The following SLC9A3 variants were observed in gnomAD, a reference collection of about 807,000 sequenced individuals.
SLC9A3 encodes solute carrier family 9 member A3, also known as sodium/hydrogen exchanger 3.
A neutral mutation model predicts 86.8 loss-of-function variants in SLC9A3; 37 were observed. The ratio of observed to expected loss-of-function variants is 0.43; its 90% CI spans 0.33 to 0.56. SLC9A3 has a LOEUF of 0.56. Ranked by LOEUF, SLC9A3 falls within the 20% of genes least tolerant of loss-of-function variation. The pLI is 0.06. For missense variants in SLC9A3, 1,011 were observed against 1,171.9 expected, an observed-to-expected ratio of 0.86 and a Z score of 2.00; for synonymous variants, 581 against 528.3, an observed-to-expected ratio of 1.10 and a Z score of -1.37.
chr5:483,277 C>T lies in SLC9A3; in HGVS notation c.1138G>A (p.Val380Met), dbSNP rs752736082. Reference sequence around the variant, plus strand: ...CCCGCCTCACCGATGGCCCGGTACACGGAGATGAAGACCAGCGTCAGGAGC... The same window carrying T: ...CCCGCCTCACCGATGGCCCGGTACATGGAGATGAAGACCAGCGTCAGGAGC... ...FVLLTLVFISVYRAIGVVLQT... is the reference protein window; with the variant it reads ...FVLLTLVFISMYRAIGVVLQT... The change falls in exon 6 of 17, where the codon GTG becomes ATG. Residue 380 changes from valine to methionine, a missense_variant. By Grantham distance (21) the Val-to-Met change is conservative (BLOSUM62 1). Coordinates refer to ENST00000264938, the MANE Select transcript of SLC9A3 (RefSeq NM_004174.4). 15 of 1,548,348 alleles carry T rather than the reference C, an allele frequency of 9.7e-6. No individual in the cohort carries two copies. Among genetic ancestry groups the T allele is most frequent in the East Asian group, 2.4e-5 (1 of 40,932 alleles).
intron 1 of SLC9A3, among the ~76,000 whole-genome samples, chr5:523,011 G>A (rs1008344542): frequency 3.3e-5 from 5 of 152,138 alleles, no homozygotes; most frequent in Non-Finnish European, 7.4e-5. Context: ...GCAGCCCGGC[G>A]GGGAGCTGAA....
rs1321801549 is a variant in SLC9A3, at chr5:476,072, A to T, written c.2088T>A (p.Asn696Lys). Residue 696 changes from asparagine (N) to lysine (K), a missense_variant, in exon 14 of 17, where the codon AAT becomes AAA. Physicochemically the swap from Asn to Lys is moderately conservative, Grantham distance 94 (BLOSUM62 0). Coordinates refer to ENST00000264938, the MANE Select transcript of SLC9A3 (RefSeq NM_004174.4). The part of the protein sequence containing the change: ...AQKRRNSSIP[N>K]GKLPMESPAQ... ...CAGGGCTCTCCATGGGCAGCTTCCC[A>T]TTGGGGATGCTGCTGTTTCTCTGCG... 4.3e-6 allele frequency: 7 copies of T among 1,613,190 alleles called. No individual in the cohort carries two copies. Among genetic ancestry groups the T allele is most frequent in the Non-Finnish European group, 5.9e-6 (7 of 1,179,824 alleles).
intron 1 of SLC9A3, among the ~76,000 whole-genome samples, chr5:499,869 TG>T (rs1289909909): frequency 1.3e-5 from 2 of 152,230 alleles, no homozygotes; most frequent in African/African-American, 4.8e-5. Context: ...TAGGGGCCAC[TG>T]CTCAAGCCAG....
chr5:489,671 C>T (rs1308987003), intron 2 of SLC9A3, among the ~76,000 whole-genome samples: 1 of 152,200 alleles, frequency 6.6e-6, no homozygotes, highest in African/African-American at 2.4e-5. Flanking sequence ...GGGAACCACA[C>T]AAGCCTTCTC....
chr5:483,199 G>A (rs747033745), intron 6 of SLC9A3, 63 bp downstream of exon 6: 95 of 1,277,204 alleles, frequency 7.4e-5, no homozygotes, highest in Non-Finnish European at 9.4e-5. Flanking sequence ...GAAAGCCTGC[G>A]CCTTCCCGGA....
chr5:518,571 C>T (rs533005093), intron 1 of SLC9A3, among the ~76,000 whole-genome samples: 37 of 152,304 alleles, frequency 2.4e-4, no homozygotes, highest in African/African-American at 8.7e-4. Context: ...ACTGAGACTC[C>T]TGGTTGTGGG....
intron 1 of SLC9A3, among the ~76,000 whole-genome samples, chr5:518,855 G>A (rs897703760): frequency 3.3e-5 from 5 of 152,180 alleles, no homozygotes; most frequent in African/African-American, 4.8e-5. Context: ...GGGGGCTGGC[G>A]GCCAAGAGTG....
intron 3 of SLC9A3, among the ~76,000 whole-genome samples, chr5:485,602 C>A (rs1739426134): frequency 6.6e-6 from 1 of 152,272 alleles, no homozygotes; most frequent in African/African-American, 2.4e-5. Flanking sequence ...CTAGCCCCTG[C>A]CGTCTTTGCA....
chr5:504,462 C>T (rs557085045), intron 1 of SLC9A3, among the ~76,000 whole-genome samples: 44 of 152,312 alleles, frequency 2.9e-4, no homozygotes, highest in African/African-American at 8.4e-4. Flanking sequence ...ATTTGGCCCT[C>T]GGGAGAGAAC....
rs931047171 is a variant in SLC9A3, at chr5:473,321, G to C, written c.*58C>G. ...GTTTCTCTGGGACAGCGGCGGCGGC[G>C]GTGGGCGGACCGTGGCGCGGGGACG... On this transcript the variant is annotated 3_prime_UTR_variant, in exon 17 of 17. Coordinates refer to ENST00000264938, the MANE Select transcript of SLC9A3 (RefSeq NM_004174.4). 3.6e-6 allele frequency: 5 copies of C among 1,394,532 alleles called. No individual in the cohort carries two copies. The highest frequency in any genetic ancestry group is 1.5e-5 in the South Asian group (1 of 65,150). The allele number at this position is 1,394,532 out of a possible 1,614,324, so 86.4% of individuals were successfully genotyped here. A position where few individuals can be genotyped will look rare whatever the true frequency, so the allele number is the denominator to read the frequency against.
In SLC9A3 at chr5:472,410, C is replaced by G. The variant is rs1199076873; in HGVS notation, c.*969G>C. On this transcript the variant is annotated 3_prime_UTR_variant, in exon 17 of 17. Transcript: ENST00000264938. ...GGGACAGAGCAGCTGCTGGGCCCCACCATCCACTTAAGGACTGGCCGTGAT... is the reference window on the plus strand; with the variant it reads ...GGGACAGAGCAGCTGCTGGGCCCCAGCATCCACTTAAGGACTGGCCGTGAT... 5 of 334,738 alleles carry G rather than the reference C, an allele frequency of 1.5e-5. No individual in the cohort carries two copies. Among genetic ancestry groups the G allele is most frequent in the Non-Finnish European group, 2.3e-5 (4 of 171,040 alleles). The allele number at this position is 334,738 out of a possible 1,614,324, so 20.7% of individuals were successfully genotyped here. A position where few individuals can be genotyped will look rare whatever the true frequency, so the allele number is the denominator to read the frequency against.
intron 1 of SLC9A3, among the ~76,000 whole-genome samples, chr5:519,040 C>G (rs771114579): frequency 6.6e-6 from 1 of 152,192 alleles, no homozygotes; most frequent in African/African-American, 2.4e-5. Flanking sequence ...GTTTTATAGC[C>G]TACAGCTGAT....
intron 1 of SLC9A3, among the ~76,000 whole-genome samples, chr5:499,066 T>C (rs1409770935): frequency 6.6e-6 from 1 of 152,148 alleles, no homozygotes; most frequent in Non-Finnish European, 1.5e-5. Flanking sequence ...CTCGTTCTCA[T>C]CTTCTCCTGA....
intron 1 of SLC9A3, among the ~76,000 whole-genome samples, chr5:506,228 C>T (rs963180850): frequency 2.0e-5 from 3 of 152,080 alleles, no homozygotes; most frequent in Non-Finnish European, 2.9e-5. Context: ...CAGCCGGAAG[C>T]GGTTGGGAGG....
At chr5:477,744 G>A (rs1738847622) in intron 10 of SLC9A3, 1 of 337,796 alleles carries the variant, frequency 3.0e-6, no homozygotes, top group South Asian at 4.4e-5. Context: ...CCTGGGACTT[G>A]GGATGTGTCT....
In SLC9A3 at chr5:520,559, C is replaced by T. The variant is rs1355644863; in HGVS notation, c.211+3553G>A. On this transcript the variant is annotated intron_variant, in intron 1 of 16. Coordinates refer to ENST00000264938, the MANE Select transcript of SLC9A3 (RefSeq NM_004174.4). ...CCCCACCATCCTCCCGGAATCTCCC[C>T]GGTGCCATTCTCTGCCCCATGGCCA... Among the ~76,000 whole-genome samples the T allele has an allele frequency of 2.6e-5, 4 of 152,302 alleles. No individual in the cohort carries two copies. The East Asian group carries it at 7.7e-4, about 29-fold the overall frequency.
At chr5:498,539 T>C (rs1040975543) in intron 1 of SLC9A3, among the ~76,000 whole-genome samples, 34 of 152,312 alleles carry the variant, frequency 2.2e-4, no homozygotes, top group African/African-American at 7.7e-4. Context: ...GTAGCTGGGA[T>C]TACAGGCGTG....
In SLC9A3 at chr5:499,739, G is replaced by A. The variant is rs1446787457; in HGVS notation, c.212-7668C>T. Among the ~76,000 whole-genome samples, 3 of 152,338 alleles carry A rather than the reference G, an allele frequency of 2.0e-5. No individual in the cohort carries two copies. The East Asian group carries it at 5.8e-4, about 29-fold the overall frequency. ...CTCGAGGCTCTAGAACGGGAGGGAG[G>A]TGGCTGGCAGGGCCCGAGATAATGC... On this transcript the variant is annotated intron_variant, in intron 1 of 16. Coordinates refer to ENST00000264938, the MANE Select transcript of SLC9A3 (RefSeq NM_004174.4).
At position 493,171 on chromosome 5, in the gene SLC9A3, G is replaced by A. The variant is rs546872768; in HGVS notation, c.212-1100C>T. On this transcript the variant is annotated intron_variant, in intron 1 of 16. Transcript: ENST00000264938. ...GCGCTCGGCCTGATTTCAAAATAGC[G>A]GGAAGCCTGACAAATGAGGTGCGTC... is the stretch of plus-strand genomic sequence containing the variant. 5.9e-5 allele frequency among the ~76,000 whole-genome samples: 9 copies of A among 151,996 alleles called. No individual in the cohort carries two copies. In the East Asian group the frequency reaches 7.7e-4, roughly 13 times the overall value.
Sources: gnomAD v4.1 joint callset for allele counts (sites outside exome capture counted in the v4.1 genomes callset) on GRCh38, gnomAD v4.1.1 for gene constraint, MANE v1.5 for transcripts, NCBI Gene and HGNC (gene_info 2026-07-23, HGNC 2026-07-21) for gene names.